The following ITSN1 variants were observed in gnomAD, a reference collection of about 807,000 sequenced individuals.
ITSN1 encodes the protein intersectin-1.
A neutral mutation model predicts 239.8 loss-of-function variants in ITSN1; 58 were observed. The ratio of observed to expected loss-of-function variants is 0.24; its 90% confidence interval spans 0.20 to 0.30. ITSN1 has a LOEUF of 0.30. ITSN1 is among the 10% of genes least tolerant of loss of function. ITSN1 has a pLI of 1.00. For missense variants in ITSN1, 1,558 were observed against 2,103.3 expected, an observed-to-expected ratio of 0.74 and a Z score of 5.07; for synonymous variants, 780 against 770.8, an observed-to-expected ratio of 1.01 and a Z score of -0.20.
In ITSN1 at chr21:33,750,185, C is replaced by G. The variant is rs771275208; in HGVS notation, c.389C>G (p.Ala130Gly). 8.1e-6 allele frequency: 13 copies of G among 1,614,022 alleles called. No homozygotes were observed. Among genetic ancestry groups the G allele is most frequent in the Non-Finnish European group, 1.0e-5 (12 of 1,180,036 alleles). ...AGCATGCCACCGCTTACAGCTGTTG[C>G]TCCAGTGCCAATGGGATCCATTCCA... ...IASMPPLTAV[A>G]PVPMGSIPVV... The change falls in exon 6 of 40, where the codon GCT (alanine) becomes GGT (glycine). Residue 130 changes from alanine to glycine, a missense_variant. Around this residue, in one of 2 missense-constraint regions of ITSN1, gnomAD observed 982 missense variants for 1,209.9 expected, o/e 0.81. Transcript: ENST00000381318.
At chr21:33,774,903 G>C in intron 13 of ITSN1, 25 bp downstream of exon 13, 1 of 1,605,378 alleles carries the variant, frequency 6.2e-7, no homozygotes, top group South Asian at 1.1e-5. Context: ...GTTATACTTT[G>C]AAAATATACT....
chr21:33,778,528 T>G (rs961718239), intron 14 of ITSN1, among the ~76,000 whole-genome samples: 1 of 150,372 alleles, frequency 6.7e-6, no homozygotes, highest in Non-Finnish European at 1.5e-5. Flanking sequence ...TTATATTATC[T>G]AAATTATTAA....
intron 1 of ITSN1, among the ~76,000 whole-genome samples, chr21:33,705,123 A>T (rs1462282495): frequency 2.6e-5 from 4 of 151,190 alleles, no homozygotes; most frequent in Admixed American, 2.6e-4. Flanking sequence ...AAAAAAAAAA[A>T]AAAAAAGACA....
chr21:33,826,687 C>T lies in ITSN1; in HGVS notation c.3184-131C>T, dbSNP rs1047258459. On this transcript the variant is annotated intron_variant, in intron 25 of 39. Transcript: ENST00000381318. Reference sequence around the variant, plus strand: ...ATCTATATCCTTGTGTCAGGTGATACAGTGCTATGTTTTCCCAGAATGAAA... The same window carrying T: ...ATCTATATCCTTGTGTCAGGTGATATAGTGCTATGTTTTCCCAGAATGAAA... 1.1e-5 allele frequency: 8 copies of T among 714,054 alleles called. No individual in the cohort carries two copies. The Admixed American group carries it at 1.5e-4, about 14-fold the overall frequency. 44.2% of individuals were successfully genotyped at this position (714,054 alleles called of 1,614,324 possible).
In ITSN1 at chr21:33,811,194, C is replaced by G; in HGVS notation, c.2539C>G (p.Pro847Ala). The change falls in exon 21 of 40, where the codon CCT becomes GCT. Residue 847 changes from proline (P) to alanine (A), a missense_variant. Pro to Ala is a conservative substitution (Grantham distance 27). Coordinates refer to ENST00000381318, the MANE Select transcript of ITSN1 (RefSeq NM_003024.3). ...AACCTCTTCAGAGCCCTCCACGACCCCTAATAACTGGGCCGACTTCAGCTC... is the reference window on the plus strand; with the variant it reads ...AACCTCTTCAGAGCCCTCCACGACCGCTAATAACTGGGCCGACTTCAGCTC... ...AVTSSEPSTT[P>A]NNWADFSSTW... 1.2e-6 allele frequency: 2 copies of G among 1,602,716 alleles called. No homozygotes were observed. The highest frequency in any genetic ancestry group is 2.2e-5 in the East Asian group (1 of 44,658).
intron 16 of ITSN1, 81 bp from the exon 17 acceptor site, chr21:33,794,260 T>A: frequency 9.3e-7 from 1 of 1,075,820 alleles, no homozygotes; most frequent in Non-Finnish European, 1.4e-6. Context: ...GGCTTCCCAC[T>A]ATGAAATGTT....
intron 1 of ITSN1, among the ~76,000 whole-genome samples, chr21:33,688,346 G>T (rs188649767): frequency 2.0e-5 from 3 of 152,156 alleles, no homozygotes; most frequent in Non-Finnish European, 2.9e-5. Flanking sequence ...ACATTCGTAG[G>T]ACTACACTGT....
intron 4 of ITSN1, among the ~76,000 whole-genome samples, chr21:33,733,107 A>G (rs1369000636): frequency 6.6e-6 from 1 of 152,172 alleles, no homozygotes; most frequent in Non-Finnish European, 1.5e-5. Context: ...ACACCCATGA[A>G]TAACCAAGGG....
chr21:33,762,094 A>C (rs974193367), intron 9 of ITSN1, 108 bp downstream of exon 9: 1 of 800,772 alleles, frequency 1.2e-6, no homozygotes, highest in African/African-American at 1.7e-5. Flanking sequence ...AATATGTAGA[A>C]TTTGCTTAAT....
intron 22 of ITSN1, chr21:33,814,656 G>T (rs1190745015): frequency 6.5e-6 from 1 of 152,740 alleles, no homozygotes; most frequent in Non-Finnish European, 1.5e-5. Context: ...GTGCCCATCT[G>T]GGAGGCACTG....
At chr21:33,837,172 G>T in intron 29 of ITSN1, 1 of 1,343,108 alleles carries the variant, frequency 7.4e-7, no homozygotes. Flanking sequence ...TACCTTAGTT[G>T]CATGTGATCG....
chr21:33,834,264 G>T, intron 27 of ITSN1, 43 bp from the exon 28 acceptor site: 1 of 1,409,530 alleles, frequency 7.1e-7, no homozygotes, highest in Non-Finnish European at 1.0e-6. Flanking sequence ...TATTATAAAA[G>T]ATGCGCCTTT....
At chr21:33,866,397 C>T (rs1981586511) in intron 32 of ITSN1, among the ~76,000 whole-genome samples, 2 of 152,080 alleles carry the variant, frequency 1.3e-5, no homozygotes, top group Non-Finnish European at 2.9e-5. Flanking sequence ...TGGGCTCTTC[C>T]TAGGCCCGAG....
In ITSN1 at chr21:33,792,354, G is replaced by A. The variant is rs575333912; in HGVS notation, c.1825-1987G>A. ...CGAGTAGCTGGGACTGCAGGCGCCT[G>A]CCACCATGCCCGGCTAATTTTTTGT... On this transcript the variant is annotated intron_variant, in intron 16 of 39. Coordinates refer to ENST00000381318, the MANE Select transcript of ITSN1 (RefSeq NM_003024.3). 1.6e-3 allele frequency among the ~76,000 whole-genome samples: 248 copies of A among 152,230 alleles called. 1 individual carries two copies. Among genetic ancestry groups the A allele is most frequent in the African/African-American group, 5.8e-3 (240 of 41,554 alleles).
At chr21:33,766,154 G>T in intron 10 of ITSN1, 142 bp downstream of exon 10, 2 of 833,420 alleles carry the variant, frequency 2.4e-6, no homozygotes, top group Admixed American at 2.7e-5. Context: ...TCTCATCTAG[G>T]TCTATGTTAA....
Position 33,796,252 on chromosome 21 carries a change from T to G in ITSN1, c.1953-1127T>G, listed in dbSNP as rs561274708. Among the ~76,000 whole-genome samples, 1,086 of 152,316 alleles carry G rather than the reference T, an allele frequency of 7.1e-3. 12 individuals are homozygous for G. Among genetic ancestry groups the G allele is most frequent in the African/African-American group, 0.025 (1,038 of 41,556 alleles). ...TCCCAAAGTGCTGGGATTACAGGCATGAGCCACCGCGCCTGGCCACTGTTT... is the reference window on the plus strand; with the variant it reads ...TCCCAAAGTGCTGGGATTACAGGCAGGAGCCACCGCGCCTGGCCACTGTTT... On this transcript the variant is annotated intron_variant, in intron 17 of 39. Coordinates refer to ENST00000381318, the MANE Select transcript of ITSN1 (RefSeq NM_003024.3).
At chr21:33,674,612 G>A (rs1247824809) in intron 1 of ITSN1, among the ~76,000 whole-genome samples, 1 of 152,048 alleles carries the variant, frequency 6.6e-6, no homozygotes, top group Non-Finnish European at 1.5e-5. Flanking sequence ...AAGAAAAACT[G>A]GTTTTGGCAC....
At chr21:33,843,098 A>T (rs1415894680) in intron 29 of ITSN1, among the ~76,000 whole-genome samples, 1 of 152,176 alleles carries the variant, frequency 6.6e-6, no homozygotes, top group Non-Finnish European at 1.5e-5. Context: ...ATTGAGCATA[A>T]GGCCTGCACC....
chr21:33,795,703 C>T (rs1229687312), intron 17 of ITSN1, among the ~76,000 whole-genome samples: 1 of 151,864 alleles, frequency 6.6e-6, no homozygotes, highest in Non-Finnish European at 1.5e-5. Context: ...TTTTCTTACC[C>T]CCAGAGTTTA....
Sources: gnomAD v4.1 joint callset for allele counts (sites outside exome capture counted in the v4.1 genomes callset) on GRCh38, gnomAD v4.1.1 for gene constraint, gnomAD v4.1.1 regional missense constraint, MANE v1.5 for transcripts, NCBI Gene and HGNC (gene_info 2026-07-23, HGNC 2026-07-21) for gene names.